METTL5: variants seen among roughly 807,000 people sequenced by gnomAD.
METTL5 encodes methyltransferase 5, N6-adenosine, also known as rRNA N(6)-adenosine-methyltransferase METTL5.
Under a neutral mutation model 26.5 loss-of-function variants are expected in METTL5, and 28 were observed. The ratio of observed to expected loss-of-function variants is 1.06; its 90% CI spans 0.78 to 1.45. METTL5 has a LOEUF of 1.45. Among genes scored for constraint, METTL5 ranks in the 40% most tolerant of loss-of-function variants. The pLI, the probability that METTL5 is intolerant of heterozygous loss-of-function variation, is 0.00. For missense variants in METTL5, 231 were observed against 249.9 expected, an observed-to-expected ratio of 0.92 and a Z score of 0.51; for synonymous variants, 86 against 82.6, an observed-to-expected ratio of 1.04 and a Z score of -0.22.
In METTL5 at chr2:169,811,813, G is replaced by A. The variant is rs373020457; in HGVS notation, c.*7C>T. On this transcript the variant is annotated 3_prime_UTR_variant, in exon 7 of 7. Transcript: ENST00000260953. ...TAGGTTTTAAACGACTTTTGTTTGC[G>A]GGGCTTTTAAAAGGAAAACCGAATT... The A allele has an allele frequency of 3.9e-4, 628 of 1,613,450 alleles. No individual in the cohort carries two copies. Among genetic ancestry groups the A allele is most frequent in the Non-Finnish European group, 5.1e-4 (600 of 1,179,758 alleles).
chr2:169,820,486 A>G (rs1191221028), intron 3 of METTL5, among the ~76,000 whole-genome samples: 1 of 152,228 alleles, frequency 6.6e-6, no homozygotes, highest in Non-Finnish European at 1.5e-5. Flanking sequence ...GGAGATATAC[A>G]ATAAATGACA....
chr2:169,824,570 C>T lies in METTL5; in HGVS notation c.28G>A (p.Glu10Lys), dbSNP rs751661080. 2.5e-6 allele frequency: 4 copies of T among 1,614,164 alleles called. No homozygotes were observed. Among genetic ancestry groups the T allele is most frequent in the Non-Finnish European group, 3.4e-6 (4 of 1,179,972 alleles). The change falls in exon 1 of 7, where the codon GAG (glutamate) becomes AAG (lysine). Residue 10 changes from glutamate (E) to lysine (K), a missense_variant. Coordinates refer to ENST00000260953, the MANE Select transcript of METTL5 (RefSeq NM_014168.4). MKKVRLKEL[E>K]SRLQQVDGFE... ...CCATCCACTTGTTGCAGGCGACTCT[C>T]TAGTTCCTTAAGCCTTACTTTCTTC...
At chr2:169,812,279 C>A in intron 6 of METTL5, 178 bp downstream of exon 6, 1 of 950,838 alleles carries the variant, frequency 1.1e-6, no homozygotes. Context: ...TCACTCTTAT[C>A]GCGCAGGCTG....
At chr2:169,819,981 T>G (rs920099194) in intron 3 of METTL5, among the ~76,000 whole-genome samples, 1 of 151,774 alleles carries the variant, frequency 6.6e-6, no homozygotes, top group African/African-American at 2.4e-5. Context: ...TTTTTTTTTT[T>G]TGTTTCGCTC....
At chr2:169,813,582 C>T (rs1410117611) in intron 5 of METTL5, among the ~76,000 whole-genome samples, 21 of 151,620 alleles carry the variant, frequency 1.4e-4, no homozygotes, top group Non-Finnish European at 2.7e-4. Flanking sequence ...TGGCCGGGCG[C>T]GGTGGCTCAC....
intron 6 of METTL5, 128 bp downstream of exon 6, chr2:169,812,329 C>G: frequency 6.5e-7 from 1 of 1,540,086 alleles, no homozygotes; most frequent in Admixed American, 1.7e-5. Context: ...CAACCTCTGC[C>G]TCCTGAGTTC....
chr2:169,814,964 T>C (rs573240929), intron 5 of METTL5, among the ~76,000 whole-genome samples: 1 of 152,138 alleles, frequency 6.6e-6, no homozygotes, highest in South Asian at 2.1e-4. Flanking sequence ...CGATCTCGGC[T>C]CACTGCAACC....
At chr2:169,812,269 T>C (rs1689991985) in intron 6 of METTL5, 188 bp downstream of exon 6, 3 of 870,858 alleles carry the variant, frequency 3.4e-6, no homozygotes, top group African/African-American at 1.7e-5. Flanking sequence ...AGACTGAGTC[T>C]CACTCTTATC....
Position 169,824,526 on chromosome 2 carries a change from T to C in METTL5, c.72A>G (p.Leu24=), listed in dbSNP as rs1245138797. The C allele has an allele frequency of 6.2e-7, 1 of 1,614,208 alleles. No individual in the cohort carries two copies. The highest frequency in any genetic ancestry group is 2.2e-5 in the East Asian group (1 of 44,886). The change falls in exon 1 of 7, where the codon CTA becomes CTG. Residue 24 remains leucine, a synonymous_variant. Transcript: ENST00000260953. Reference sequence around the variant, plus strand: ...GCCTGGTAGGATACTGTTCCAGAAGTAGCTTGGGCTTTTCAAATCCATCCA... The same window carrying C: ...GCCTGGTAGGATACTGTTCCAGAAGCAGCTTGGGCTTTTCAAATCCATCCA... The part of the protein sequence containing the change: ...QQVDGFEKPK[L]LLEQYPTRPH...
rs766480014 is a variant in METTL5, at chr2:169,822,071, A to C, written c.110-14T>G. The C allele has an allele frequency of 6.3e-7, 1 of 1,581,800 alleles. No individual in the cohort carries two copies. The highest frequency in any genetic ancestry group is 2.2e-5 in the East Asian group (1 of 44,700). Reference sequence around the variant, plus strand: ...AGAGCATACATGCTAAAAAATAAAAAAAAAAAGAATAAGTAAGCAAGCCGG... The same window carrying C: ...AGAGCATACATGCTAAAAAATAAAACAAAAAAGAATAAGTAAGCAAGCCGG... On this transcript the variant is annotated splice_polypyrimidine_tract_variant and intron_variant, in intron 1 of 6. Transcript: ENST00000260953.
intron 4 of METTL5, among the ~76,000 whole-genome samples, chr2:169,816,602 T>G (rs1270812069): frequency 2.0e-5 from 3 of 152,114 alleles, no homozygotes; most frequent in Non-Finnish European, 4.4e-5. Flanking sequence ...AACAGATATA[T>G]AGACCAATGG....
chr2:169,815,586 T>C, intron 4 of METTL5, 58 bp from the exon 5 acceptor site: 1 of 1,280,922 alleles, frequency 7.8e-7, no homozygotes, highest in East Asian at 2.4e-5. Context: ...TTTTTAAAAT[T>C]GCTTTTTACT....
At chr2:169,822,205 G>T in intron 1 of METTL5, 148 bp from the exon 2 acceptor site, 2 of 1,205,600 alleles carry the variant, frequency 1.7e-6, no homozygotes, top group East Asian at 2.6e-5. Context: ...AAAGATAAGG[G>T]GTAATGATTT....
intron 6 of METTL5, 45 bp downstream of exon 6, chr2:169,812,412 G>A (rs780046942): frequency 1.2e-6 from 2 of 1,613,482 alleles, no homozygotes; most frequent in South Asian, 1.1e-5. Flanking sequence ...GGCCCAGAAA[G>A]CTTTTCAATA....
At chr2:169,812,588 A>G in intron 5 of METTL5, 82 bp from the exon 6 acceptor site, 1 of 1,463,502 alleles carries the variant, frequency 6.8e-7, no homozygotes, top group Non-Finnish European at 9.3e-7. Context: ...AACAACAAAA[A>G]CTAAGAAAAG....
intron 1 of METTL5, among the ~76,000 whole-genome samples, chr2:169,823,833 T>C (rs1000693855): frequency 2.0e-5 from 3 of 152,010 alleles, no homozygotes; most frequent in African/African-American, 7.2e-5. Context: ...AAAATAATAA[T>C]AATAAAATTT....
rs565627165 is a variant in METTL5 at position 169,812,274 on chromosome 2, C to G, written c.591+183G>C. On this transcript the variant is annotated intron_variant, in intron 6 of 6. Transcript: ENST00000260953. ...TTCTTTTTCGAGACTGAGTCTCACTCTTATCGCGCAGGCTGGAGTTCAGTG... is the reference window on the plus strand; with the variant it reads ...TTCTTTTTCGAGACTGAGTCTCACTGTTATCGCGCAGGCTGGAGTTCAGTG... 6.5e-6 allele frequency: 6 copies of G among 923,966 alleles called. No homozygotes were observed. In the East Asian group the frequency reaches 7.7e-5, roughly 12 times the overall value. The allele number at this position is 923,966 out of a possible 1,614,324, so 57.2% of individuals were successfully genotyped here. A position where few individuals can be genotyped will look rare whatever the true frequency, so the allele number is the denominator to read the frequency against.
chr2:169,812,014 T>A, intron 6 of METTL5, 156 bp from the exon 7 acceptor site: 1 of 808,564 alleles, frequency 1.2e-6, no homozygotes, highest in Non-Finnish European at 1.9e-6. Flanking sequence ...TATGAGAATG[T>A]ATTAGTACAA....
intron 3 of METTL5, 123 bp from the exon 4 acceptor site, chr2:169,819,766 AG>A: frequency 1.7e-6 from 1 of 602,734 alleles, no homozygotes; most frequent in South Asian, 2.3e-5. Flanking sequence ...TTTAGCAATA[AG>A]GGTACAAATA....
Sources: allele counts gnomAD v4.1 joint callset (sites outside exome capture counted in the v4.1 genomes callset), GRCh38; gene constraint gnomAD v4.1.1; transcripts MANE v1.5; gene names NCBI Gene and HGNC (gene_info 2026-07-23, HGNC 2026-07-21).